The following ENPP6 variants were observed in gnomAD, a reference collection of about 807,000 sequenced individuals.
ENPP6 encodes ectonucleotide pyrophosphatase/phosphodiesterase 6, also known as glycerophosphocholine cholinephosphodiesterase ENPP6.
Under a neutral mutation model 42.0 loss-of-function variants are expected in ENPP6, and 32 were observed. The ratio of observed to expected loss-of-function variants is 0.76; its 90% CI spans 0.58 to 1.02. ENPP6 has a LOEUF of 1.02. ENPP6 is among the 50% of genes least tolerant of loss of function. The pLI, the probability that ENPP6 is intolerant of heterozygous loss-of-function variation, is 0.00. For missense variants in ENPP6, 552 were observed against 566.8 expected (o/e 0.97, Z 0.27); for synonymous variants, 213 against 216.0 (o/e 0.99, Z 0.12).
Position 184,090,992 on chromosome 4 carries a change from G to A in ENPP6, c.*185C>T. The A allele has an allele frequency of 1.9e-6, 1 of 538,860 alleles. No homozygotes were observed. The highest frequency in any genetic ancestry group is 5.3e-5 in the South Asian group (1 of 18,944). The allele number at this position is 538,860 out of a possible 1,614,324, so 33.4% of individuals were successfully genotyped here. ...TTTTCCTACCTTCTGGAAAAACAAG[G>A]TTTGTATCTTTTTTAACAAGTAGGA... On this transcript the variant is annotated 3_prime_UTR_variant, in exon 8 of 8. Coordinates refer to ENST00000296741, the MANE Select transcript of ENPP6 (RefSeq NM_153343.4).
At chr4:184,167,668 A>G (rs1409256576) in intron 1 of ENPP6, among the ~76,000 whole-genome samples, 1 of 152,166 alleles carries the variant, frequency 6.6e-6, no homozygotes, top group Non-Finnish European at 1.5e-5. Context: ...TGTCATTGCT[A>G]GAATATGTGA....
At chr4:184,136,533 TCA>T (rs1450951427) in intron 2 of ENPP6, among the ~76,000 whole-genome samples, 2 of 152,250 alleles carry the variant, frequency 1.3e-5, no homozygotes, top group Non-Finnish European at 2.9e-5. Flanking sequence ...ATGAGTTCTC[TCA>T]GTTTGCTATC....
chr4:184,179,704 A>G (rs1309390865), intron 1 of ENPP6, among the ~76,000 whole-genome samples: 1 of 152,226 alleles, frequency 6.6e-6, no homozygotes, highest in Non-Finnish European at 1.5e-5. Context: ...ATTAGAACTC[A>G]ATATTAAGAA....
rs1017876428 is a variant in ENPP6 at position 184,177,193 on chromosome 4, G to A, written c.242-23460C>T. Among the ~76,000 whole-genome samples, 52 of 152,196 alleles carry A rather than the reference G, an allele frequency of 3.4e-4. 1 individual carries two copies. Among genetic ancestry groups the A allele is most frequent in the African/African-American group, 1.2e-3 (49 of 41,452 alleles). ...CCCCTGCTGGTGCCAGGGAAACTGGGTGGTTTGGACTCAGGAACAACTCCC... is the reference window on the plus strand; with the variant it reads ...CCCCTGCTGGTGCCAGGGAAACTGGATGGTTTGGACTCAGGAACAACTCCC... On this transcript the variant is annotated intron_variant, in intron 1 of 7. Coordinates refer to ENST00000296741, the MANE Select transcript of ENPP6 (RefSeq NM_153343.4).
intron 2 of ENPP6, among the ~76,000 whole-genome samples, chr4:184,141,399 G>C (rs1297517748): frequency 1.3e-5 from 2 of 152,190 alleles, no homozygotes; most frequent in Non-Finnish European, 2.9e-5. Context: ...AGGAAAGCAG[G>C]GCTTTCTGAA....
chr4:184,170,311 T>A (rs1737440301), intron 1 of ENPP6, among the ~76,000 whole-genome samples: 1 of 152,126 alleles, frequency 6.6e-6, no homozygotes, highest in South Asian at 2.1e-4. Context: ...GCACCTGTAG[T>A]ACTAGCTGCT....
intron 2 of ENPP6, among the ~76,000 whole-genome samples, chr4:184,152,457 G>A (rs575064072): frequency 4.8e-4 from 73 of 151,480 alleles, no homozygotes; most frequent in African/African-American, 1.7e-3. Flanking sequence ...AGACCAGTTC[G>A]ACCCCCTCAG....
chr4:184,105,515 G>C (rs1736072503), intron 6 of ENPP6, among the ~76,000 whole-genome samples: 1 of 152,098 alleles, frequency 6.6e-6, no homozygotes. Flanking sequence ...TCAAGTCCTG[G>C]GTTAGTTGCT....
chr4:184,192,048 A>G (rs1732718620), intron 1 of ENPP6, among the ~76,000 whole-genome samples: 1 of 152,230 alleles, frequency 6.6e-6, no homozygotes, highest in Non-Finnish European at 1.5e-5. Context: ...TAAGATGGCA[A>G]TACTACCTAA....
rs191356921 is a variant in ENPP6 at position 184,204,690 on chromosome 4, T to C, written c.241+12889A>G. ...GGAGGTGACTCTCCTTCCAGGCCTC[T>C]TTCTGACTCCAACCTTATAATCAAA... On this transcript the variant is annotated intron_variant, in intron 1 of 7. Coordinates refer to ENST00000296741, the MANE Select transcript of ENPP6 (RefSeq NM_153343.4). Among the ~76,000 whole-genome samples, 31 of 152,336 alleles carry C rather than the reference T, an allele frequency of 2.0e-4. No homozygotes were observed. The Middle Eastern group carries it at 0.014, about 67-fold the overall frequency.
At chr4:184,195,421 G>A (rs1344970671) in intron 1 of ENPP6, among the ~76,000 whole-genome samples, 1 of 152,134 alleles carries the variant, frequency 6.6e-6, no homozygotes, top group Non-Finnish European at 1.5e-5. Context: ...AAGAATAATG[G>A]TCTCCAGCTT....
intron 1 of ENPP6, among the ~76,000 whole-genome samples, chr4:184,210,751 C>T (rs943059922): frequency 4.7e-4 from 71 of 151,526 alleles, no homozygotes; most frequent in Admixed American, 1.6e-3. Context: ...TAGACATCTA[C>T]GGAACTCTCC....
rs368630249 is a variant in ENPP6 at position 184,097,319 on chromosome 4, C to G, written c.1043G>C (p.Gly348Ala). 19 of 1,614,232 alleles carry G rather than the reference C, an allele frequency of 1.2e-5. No individual in the cohort carries two copies. The highest frequency in any genetic ancestry group is 1.4e-5 in the Non-Finnish European group (16 of 1,180,036). ...FWMNSTGRRE[G>A]WQRGWHGYDN... Reference sequence around the variant, plus strand: ...GTAGCCGTGCCATCCACGCTGCCAACCTTCCCGCCTGCCGGTGCTGTTCAT... The same window carrying G: ...GTAGCCGTGCCATCCACGCTGCCAAGCTTCCCGCCTGCCGGTGCTGTTCAT... The change falls in exon 7 of 8, where the codon GGT becomes GCT. Residue 348 changes from glycine to alanine, a missense_variant. Physicochemically the swap from Gly to Ala is moderately conservative, Grantham distance 60. This residue lies in a region of ENPP6 where 545 missense variants were observed against 546.3 expected (regional missense o/e 1.00). Transcript: ENST00000296741.
chr4:184,131,580 T>C (rs1025144573), intron 2 of ENPP6, among the ~76,000 whole-genome samples: 2 of 150,542 alleles, frequency 1.3e-5, no homozygotes, highest in African/African-American at 4.9e-5. Context: ...GCCAGGCTGG[T>C]CTTGAACTCT....
chr4:184,176,783 T>A (rs1013987787), intron 1 of ENPP6, among the ~76,000 whole-genome samples: 4 of 152,272 alleles, frequency 2.6e-5, no homozygotes, highest in African/African-American at 9.6e-5. Context: ...GAGAGAACTA[T>A]CAGCAAGTCA....
At chr4:184,189,131 A>G (rs1246560519) in intron 1 of ENPP6, among the ~76,000 whole-genome samples, 1 of 152,176 alleles carries the variant, frequency 6.6e-6, no homozygotes, top group Non-Finnish European at 1.5e-5. Context: ...TGGAGTTGAT[A>G]TAATAAATAG....
intron 1 of ENPP6, among the ~76,000 whole-genome samples, chr4:184,206,162 A>C (rs1009529792): frequency 6.7e-6 from 1 of 148,888 alleles, no homozygotes; most frequent in Non-Finnish European, 1.5e-5. Context: ...TGGGGGAAGG[A>C]GGGCGGAGGG....
At chr4:184,212,328 A>T (rs1265947144) in intron 1 of ENPP6, among the ~76,000 whole-genome samples, 1 of 150,636 alleles carries the variant, frequency 6.6e-6, no homozygotes, top group African/African-American at 2.5e-5. Flanking sequence ...ATGATTGTAT[A>T]TCTAGAAAAC....
Position 184,208,874 on chromosome 4 carries a change from C to T in ENPP6, c.241+8705G>A, listed in dbSNP as rs569795887. On this transcript the variant is annotated intron_variant, in intron 1 of 7. Coordinates refer to ENST00000296741, the MANE Select transcript of ENPP6 (RefSeq NM_153343.4). ...GAAGAGAGCAGTGGTTCTCCCAGCA[C>T]GCAGCTGGAGATCTGAGAACGGGCA... Among the ~76,000 whole-genome samples the T allele has an allele frequency of 2.6e-3, 367 of 143,134 alleles. 10 individuals carry two copies. The highest frequency in any genetic ancestry group is 0.011 in the Middle Eastern group (3 of 282). 93.9% of individuals were successfully genotyped at this position (143,134 alleles called of 152,430 possible). A position where few individuals can be genotyped will look rare whatever the true frequency, so the allele number is the denominator to read the frequency against.
Sources: allele counts gnomAD v4.1 joint callset (sites outside exome capture counted in the v4.1 genomes callset), GRCh38; gene constraint gnomAD v4.1.1; regional missense constraint gnomAD v4.1.1; transcripts MANE v1.5; gene names NCBI Gene and HGNC (gene_info 2026-07-23, HGNC 2026-07-21).